The following CDK14 variants were observed in gnomAD, a reference collection of about 807,000 sequenced individuals.
The protein encoded by CDK14 is cyclin-dependent kinase 14.
A neutral mutation model predicts 60.7 loss-of-function variants in CDK14; 34 were observed. The ratio of observed to expected loss-of-function variants is 0.56; its 90% CI spans 0.43 to 0.75. The LOEUF (loss-of-function observed/expected upper bound fraction) is 0.75, where lower values mean the gene tolerates loss of function less well. Ranked by LOEUF, CDK14 falls within the 30% of genes least tolerant of loss-of-function variation. CDK14 has a pLI of 0.00. For missense variants in CDK14, 482 were observed against 564.1 expected (o/e 0.85, Z 1.47); for synonymous variants, 197 against 203.7 (o/e 0.97, Z 0.28).
At chr7:90,689,593 C>T (rs1394901646) in intron 2 of CDK14, among the ~76,000 whole-genome samples, 1 of 152,188 alleles carries the variant, frequency 6.6e-6, no homozygotes, top group East Asian at 1.9e-4. Flanking sequence ...CTCATACTAC[C>T]CCAGGGAAAA....
intron 5 of CDK14, among the ~76,000 whole-genome samples, chr7:90,854,719 A>G (rs1228011824): frequency 6.6e-6 from 1 of 151,926 alleles, no homozygotes; most frequent in Non-Finnish European, 1.5e-5. Flanking sequence ...CCCATGTGTA[A>G]TAAAGTATAA....
rs1255163519 is a variant in CDK14, at chr7:91,180,442, T to A, written c.*29-26723T>A. ...CAGGTTGCAAAACAGCTATGTATAG[T>A]ACAGCCCCATCTCTGTAACGCAAGT... On this transcript the variant is annotated intron_variant, in intron 14 of 14. Coordinates refer to ENST00000380050, the MANE Select transcript of CDK14 (RefSeq NM_001287135.2). Among the ~76,000 whole-genome samples, 5 of 152,230 alleles carry A rather than the reference T, an allele frequency of 3.3e-5. No homozygotes were observed. In the East Asian group the frequency reaches 9.6e-4, roughly 29 times the overall value.
chr7:91,017,714 G>C (rs1042578410), intron 10 of CDK14, among the ~76,000 whole-genome samples: 11 of 152,162 alleles, frequency 7.2e-5, no homozygotes, highest in African/African-American at 2.7e-4. Flanking sequence ...GCGTCTGGAA[G>C]GGCTCTGCCT....
intron 4 of CDK14, among the ~76,000 whole-genome samples, chr7:90,784,884 A>G (rs1433264293): frequency 6.6e-6 from 1 of 152,248 alleles, no homozygotes; most frequent in African/African-American, 2.4e-5. Context: ...TAACTAGCAT[A>G]TAAAGAGGGA....
At chr7:90,937,847 G>A (rs1461108239) in intron 8 of CDK14, among the ~76,000 whole-genome samples, 5 of 152,124 alleles carry the variant, frequency 3.3e-5, no homozygotes, top group Non-Finnish European at 5.9e-5. Flanking sequence ...TGGTAATAAA[G>A]CATTTGGTTC....
At chr7:90,873,926 C>A (rs1562807337) in intron 6 of CDK14, among the ~76,000 whole-genome samples, 1 of 152,068 alleles carries the variant, frequency 6.6e-6, no homozygotes. Context: ...TTGATTATAT[C>A]AGAATTCAGA....
At chr7:90,809,268 T>C (rs1229703097) in intron 5 of CDK14, among the ~76,000 whole-genome samples, 1 of 152,132 alleles carries the variant, frequency 6.6e-6, no homozygotes, top group Non-Finnish European at 1.5e-5. Flanking sequence ...TATAACAAAC[T>C]GTCTCTCAGA....
At chr7:90,888,296 GC>G (rs1792015427) in intron 6 of CDK14, among the ~76,000 whole-genome samples, 1 of 152,126 alleles carries the variant, frequency 6.6e-6, no homozygotes, top group South Asian at 2.1e-4. Flanking sequence ...GTTCCAGTAA[GC>G]TGAGATGGCA....
chr7:90,791,901 T>TTC (rs1255764445), intron 5 of CDK14, among the ~76,000 whole-genome samples: 4 of 42,816 alleles, frequency 9.3e-5, no homozygotes, highest in Non-Finnish European at 1.4e-4. Flanking sequence ...AGGAAAGGGC[T>TTC]TCTTTTTTTT....
chr7:90,868,637 CTG>C (rs1008513620), intron 6 of CDK14, among the ~76,000 whole-genome samples: 17 of 151,922 alleles, frequency 1.1e-4, no homozygotes, highest in Admixed American at 5.2e-4. Context: ...GAAAACAAAA[CTG>C]TATCAATAGA....
chr7:90,688,653 A>T lies in CDK14; in HGVS notation c.124-37914A>T, dbSNP rs972773653. ...AGTAAACTAGAAAAGATATTCCGTGACATATTTAAAGTTTATTATGGTAAT... is the reference window on the plus strand; with the variant it reads ...AGTAAACTAGAAAAGATATTCCGTGTCATATTTAAAGTTTATTATGGTAAT... On this transcript the variant is annotated intron_variant, in intron 2 of 14. Coordinates refer to ENST00000380050, the MANE Select transcript of CDK14 (RefSeq NM_001287135.2). 5.9e-5 allele frequency among the ~76,000 whole-genome samples: 9 copies of T among 152,296 alleles called. No individual in the cohort carries two copies. In the East Asian group the frequency reaches 1.3e-3, roughly 23 times the overall value.
chr7:90,821,535 C>A (rs187978087), intron 5 of CDK14, among the ~76,000 whole-genome samples: 3 of 152,252 alleles, frequency 2.0e-5, no homozygotes, highest in Admixed American at 6.5e-5. Flanking sequence ...AGCAACTCAC[C>A]CCATGAGAGG....
intron 8 of CDK14, among the ~76,000 whole-genome samples, chr7:90,949,146 GT>G (rs1349138853): frequency 4.6e-5 from 7 of 152,016 alleles, no homozygotes; most frequent in Middle Eastern, 6.8e-3. Context: ...TATTATTTCT[GT>G]TATTTAAAAA....
At chr7:90,732,731 T>C (rs1584833377) in intron 3 of CDK14, among the ~76,000 whole-genome samples, 2 of 152,188 alleles carry the variant, frequency 1.3e-5, no homozygotes, top group South Asian at 4.1e-4. Context: ...TCTTCTCTCT[T>C]TTCTTCTTTA....
intron 5 of CDK14, among the ~76,000 whole-genome samples, chr7:90,836,633 T>C (rs966523891): frequency 6.6e-6 from 1 of 152,176 alleles, no homozygotes; most frequent in Non-Finnish European, 1.5e-5. Flanking sequence ...ACTAACATAA[T>C]GATAAAAATG....
chr7:90,757,367 A>AG (rs1270386544), intron 4 of CDK14, among the ~76,000 whole-genome samples: 1 of 37,872 alleles, frequency 2.6e-5, no homozygotes, highest in Admixed American at 3.7e-4. Context: ...GACTCATTTC[A>AG]AAAAAAAATG....
intron 4 of CDK14, among the ~76,000 whole-genome samples, chr7:90,776,085 G>T (rs886822190): frequency 6.6e-6 from 1 of 152,056 alleles, no homozygotes; most frequent in African/African-American, 2.4e-5. Context: ...CCCTTCTCTA[G>T]TAATTTCAAG....
intron 12 of CDK14, among the ~76,000 whole-genome samples, chr7:91,101,909 C>G (rs913422657): frequency 6.6e-6 from 1 of 152,202 alleles, no homozygotes; most frequent in East Asian, 1.9e-4. Context: ...AGTACTCCCT[C>G]TAAGACAAAA....
intron 2 of CDK14, among the ~76,000 whole-genome samples, chr7:90,682,595 T>C (rs894609071): frequency 1.3e-5 from 2 of 152,236 alleles, no homozygotes; most frequent in Non-Finnish European, 2.9e-5. Context: ...TCTGAAGTTA[T>C]CAACCTCAGA....
Sources: gnomAD v4.1 joint callset for allele counts (sites outside exome capture counted in the v4.1 genomes callset) on GRCh38, gnomAD v4.1.1 for gene constraint, MANE v1.5 for transcripts, NCBI Gene and HGNC (gene_info 2026-07-23, HGNC 2026-07-21) for gene names.